The following CILP variants were observed in gnomAD, a reference collection of about 807,000 sequenced individuals.
CILP encodes cartilage intermediate layer protein 1.
Under a neutral mutation model 82.5 loss-of-function variants are expected in CILP, and 75 were observed. The observed-to-expected ratio is 0.91, with a 90% confidence interval of 0.75 to 1.10. CILP has a LOEUF of 1.10. CILP is among the 50% of genes least tolerant of loss of function. The probability of loss-of-function intolerance (pLI) is 0.00; values close to 1 mark genes in which losing one functional copy is unlikely to be tolerated. For missense variants in CILP, 1,479 were observed against 1,530.8 expected (o/e 0.97, Z 0.56); for synonymous variants, 530 against 580.3 (o/e 0.91, Z 1.25).
At chr15:65,203,581 C>T in intron 6 of CILP, 111 bp from the exon 7 acceptor site, 1 of 714,458 alleles carries the variant, frequency 1.4e-6, no homozygotes, top group Non-Finnish European at 2.4e-6. Context: ...TATAAGGCTT[C>T]ACCCCTACCC....
In CILP at chr15:65,197,486, G is replaced by A. The variant is rs753812699; in HGVS notation, c.2800C>T (p.Pro934Ser). 5 of 1,614,224 alleles carry A rather than the reference G, an allele frequency of 3.1e-6. No individual in the cohort carries two copies. The Admixed American group carries it at 8.3e-5, about 27-fold the overall frequency. The stretch of plus-strand genomic sequence containing the variant: ...AGATAGTCTTCAGTCCAGCTCATAG[G>A]GTCATCTTCGTTGAAGGGGACTGTG... ...YNTVPFNEDD[P>S]MSWTEDYLAW... Residue 934 changes from proline (P) to serine (S), a missense_variant, in exon 9 of 9, where the codon CCT (proline) becomes TCT (serine). Pro to Ser is a moderately conservative substitution (Grantham distance 74, BLOSUM62 -1). Coordinates refer to ENST00000261883, the MANE Select transcript of CILP (RefSeq NM_003613.4).
In CILP at chr15:65,197,554, T is replaced by C; in HGVS notation, c.2732A>G (p.His911Arg). ...ACEEAPPSAA[H>R]FRFYQIEGDR... The stretch of plus-strand genomic sequence containing the variant: ...CCCCTCAATCTGGTAGAACCGGAAG[T>C]GGGCTGCACTGGGTGGTGCCTCTTC... The change falls in exon 9 of 9, where the codon CAC (histidine) becomes CGC (arginine). Residue 911 changes from histidine (H) to arginine (R), a missense_variant. By Grantham distance (29) the His-to-Arg change is conservative. Coordinates refer to ENST00000261883, the MANE Select transcript of CILP (RefSeq NM_003613.4). 6.2e-7 allele frequency: 1 copy of C among 1,614,244 alleles called. No homozygotes were observed. The highest frequency in any genetic ancestry group is 8.5e-7 in the Non-Finnish European group (1 of 1,180,044).
intron 7 of CILP, 24 bp downstream of exon 7, chr15:65,203,338 C>T: frequency 6.5e-7 from 1 of 1,529,886 alleles, no homozygotes. Context: ...GAGAATTGGG[C>T]AGGGTAGCTA....
rs1019466028 is a variant in CILP at position 65,195,832 on chromosome 15, G to C, written c.*899C>G. 2.0e-5 allele frequency: 3 copies of C among 152,202 alleles called. No individual in the cohort carries two copies. Among genetic ancestry groups the C allele is most frequent in the Non-Finnish European group, 4.4e-5 (3 of 68,048 alleles). The allele number at this position is 152,202 out of a possible 1,614,324, so 9.4% of individuals were successfully genotyped here. A position where few individuals can be genotyped will look rare whatever the true frequency, so the allele number is the denominator to read the frequency against. Reference sequence around the variant, plus strand: ...AGGAATCTGCTCTTTTCTGCAAACGGAAAATGTGATCCATGAGAACAAATT... The same window carrying C: ...AGGAATCTGCTCTTTTCTGCAAACGCAAAATGTGATCCATGAGAACAAATT... On this transcript the variant is annotated 3_prime_UTR_variant, in exon 9 of 9. Coordinates refer to ENST00000261883, the MANE Select transcript of CILP (RefSeq NM_003613.4).
chr15:65,206,661 G>T, intron 4 of CILP, 121 bp downstream of exon 4: 1 of 1,079,830 alleles, frequency 9.3e-7, no homozygotes, highest in South Asian at 1.5e-5. Context: ...TATTATTACA[G>T]AGTCCAAGCA....
chr15:65,207,198 C>A, intron 3 of CILP, 147 bp from the exon 4 acceptor site: 1 of 839,922 alleles, frequency 1.2e-6, no homozygotes, highest in East Asian at 2.7e-5. Context: ...CCTGCCACTG[C>A]TGAGGCCTCC....
rs556369891 is a variant in CILP at position 65,209,012 on chromosome 15, C to CTTTTTTTTTTTT, written c.61+671_61+682dup. On this transcript the variant is annotated intron_variant, in intron 2 of 8. Coordinates refer to ENST00000261883, the MANE Select transcript of CILP (RefSeq NM_003613.4). ...TACAGCTTTAAAGGAGGGTTTTGAG[C>CTTTTTTTTTTTT]TTTTTTTTTTTTTTTTTTTTTTTTG... Among the ~76,000 whole-genome samples the CTTTTTTTTTTTT allele has an allele frequency of 3.6e-4, 25 of 69,976 alleles. 1 individual carries two copies. Among genetic ancestry groups the CTTTTTTTTTTTT allele is most frequent in the East Asian group, 5.9e-4 (1 of 1,702 alleles). 45.9% of individuals were successfully genotyped at this position (69,976 alleles called of 152,430 possible).
At position 65,196,782 on chromosome 15, in the gene CILP, C is replaced by T; in HGVS notation, c.3504G>A (p.Val1168=). ...ASRGGQRQGG[V]VASLRFPRVA... ...CTCTAGGAAATCTCAGAGAGGCCAC[C>T]ACTCCACCCTGGCGCTGGCCACCCC... The change falls in exon 9 of 9, where the codon GTG becomes GTA. Residue 1168 remains valine (V), a synonymous_variant. Transcript: ENST00000261883. 1 of 1,586,822 alleles carries T rather than the reference C, an allele frequency of 6.3e-7. No individual in the cohort carries two copies. Among genetic ancestry groups the T allele is most frequent in the Non-Finnish European group, 8.6e-7 (1 of 1,164,878 alleles).
Position 65,198,087 on chromosome 15 carries a change from G to T in CILP, c.2199C>A (p.Asn733Lys). 1.1e-5 allele frequency: 17 copies of T among 1,614,194 alleles called. No individual in the cohort carries two copies. Among genetic ancestry groups the T allele is most frequent in the Non-Finnish European group, 1.4e-5 (16 of 1,180,030 alleles). The change falls in exon 9 of 9, where the codon AAC becomes AAA. Residue 733 changes from asparagine to lysine, a missense_variant. Physicochemically the swap from Asn to Lys is moderately conservative, Grantham distance 94 (BLOSUM62 0). Transcript: ENST00000261883. ...KREDRTFLVG[N>K]LEIRERRLFN... ...AGAGCCTCCTCTCACGAATCTCCAG[G>T]TTGCCCACCAGGAAGGTTCTGTCTT...
At chr15:65,205,553 G>T (rs68021609) in intron 4 of CILP, 87 bp from the exon 5 acceptor site, 429,200 of 1,303,096 alleles carry the variant, frequency 0.33, 73,017 homozygotes, top group Admixed American at 0.41. Flanking sequence ...TTCTTCTCTG[G>T]TAAAGACAAG....
At chr15:65,200,170 T>C (rs999652233) in intron 8 of CILP, among the ~76,000 whole-genome samples, 14 of 152,216 alleles carry the variant, frequency 9.2e-5, no homozygotes, top group Admixed American at 2.0e-4. Context: ...TATTAAAATT[T>C]AAAAAATTTA....
At position 65,209,817 on chromosome 15, in the gene CILP, G is replaced by T; in HGVS notation, c.-62C>A. 1 of 1,484,028 alleles carries T rather than the reference G, an allele frequency of 6.7e-7. No homozygotes were observed. The highest frequency in any genetic ancestry group is 9.4e-7 in the Non-Finnish European group (1 of 1,062,602). The allele number at this position is 1,484,028 out of a possible 1,614,324, so 91.9% of individuals were successfully genotyped here. A position where few individuals can be genotyped will look rare whatever the true frequency, so the allele number is the denominator to read the frequency against. On this transcript the variant is annotated 5_prime_UTR_variant, in exon 2 of 9. Coordinates refer to ENST00000261883, the MANE Select transcript of CILP (RefSeq NM_003613.4). Reference sequence around the variant, plus strand: ...GATGTGGGTGCTTCACAGAGTCACTGACTCTGGAATGCGGTCCCCTGGGAA... The same window carrying T: ...GATGTGGGTGCTTCACAGAGTCACTTACTCTGGAATGCGGTCCCCTGGGAA...
intron 8 of CILP, among the ~76,000 whole-genome samples, chr15:65,199,573 A>C (rs1197732879): frequency 1.3e-5 from 2 of 152,244 alleles, no homozygotes; most frequent in Non-Finnish European, 2.9e-5. Flanking sequence ...CTGTTATCCC[A>C]ACAATTTGGG....
chr15:65,200,804 G>A (rs976702620), intron 8 of CILP, among the ~76,000 whole-genome samples: 8 of 152,206 alleles, frequency 5.3e-5, no homozygotes, highest in African/African-American at 1.7e-4. Flanking sequence ...CTGGAGGTAA[G>A]ACTGAGGCAT....
At position 65,206,953 on chromosome 15, in the gene CILP, C is replaced by T; in HGVS notation, c.253G>A (p.Val85Ile). ...DAIRFYYGDR[V>I]CARPLRLEAR... ...TCTAGCCGCAGGGGACGGGCACATA[C>T]ACGGTCCCCATAGTAGAAGCGAATG... The change falls in exon 4 of 9, where the codon GTA becomes ATA. Residue 85 changes from valine to isoleucine, a missense_variant. Coordinates refer to ENST00000261883, the MANE Select transcript of CILP (RefSeq NM_003613.4). 1 of 1,614,052 alleles carries T rather than the reference C, an allele frequency of 6.2e-7. No individual in the cohort carries two copies. Among genetic ancestry groups the T allele is most frequent in the Non-Finnish European group, 8.5e-7 (1 of 1,180,010 alleles).
chr15:65,200,638 G>GT (rs2088438155), intron 8 of CILP, among the ~76,000 whole-genome samples: 1 of 151,752 alleles, frequency 6.6e-6, no homozygotes, highest in African/African-American at 2.4e-5. Context: ...ACCCATGCTG[G>GT]CCCCTCAATC....
chr15:65,201,320 C>T (rs1168800603), intron 8 of CILP, among the ~76,000 whole-genome samples: 1 of 151,944 alleles, frequency 6.6e-6, no homozygotes, highest in Non-Finnish European at 1.5e-5. Context: ...ATTTTTCTAT[C>T]TTGTTTGTCG....
chr15:65,206,754 G>C (rs200682365), intron 4 of CILP, 28 bp downstream of exon 4: 3 of 1,590,328 alleles, frequency 1.9e-6, no homozygotes, highest in East Asian at 2.3e-5. Context: ...GGGAAGTAGC[G>C]GGTGGGGGTG....
At chr15:65,202,449 A>G (rs1406065550) in intron 7 of CILP, among the ~76,000 whole-genome samples, 1 of 151,164 alleles carries the variant, frequency 6.6e-6, no homozygotes, top group Non-Finnish European at 1.5e-5. Flanking sequence ...TTTTCCTGAG[A>G]TGGAGTCTTG....
Sources: gnomAD v4.1 joint callset for allele counts (sites outside exome capture counted in the v4.1 genomes callset) on GRCh38, gnomAD v4.1.1 for gene constraint, MANE v1.5 for transcripts, NCBI Gene and HGNC (gene_info 2026-07-23, HGNC 2026-07-21) for gene names.